The following ARID1B variants were observed in gnomAD, a reference collection of about 807,000 sequenced individuals.
ARID1B encodes AT-rich interactive domain-containing protein 1B.
ARID1B carries 30 observed loss-of-function variants against 212.3 expected under a neutral mutation model. The observed-to-expected ratio is 0.14, with a 90% confidence interval of 0.11 to 0.19. The LOEUF is 0.19. Ranked by LOEUF, ARID1B falls within the 10% of genes least tolerant of loss-of-function variation. ARID1B has a pLI of 1.00. For synonymous variants in ARID1B, 1,402 were observed against 1,301.7 expected (o/e 1.08, Z -1.66); for missense variants, 2,891 against 3,204.0 (o/e 0.90, Z 2.36).
chr6:156,788,920 T>C (rs1051975131), intron 1 of ARID1B, among the ~76,000 whole-genome samples: 2 of 152,228 alleles, frequency 1.3e-5, no homozygotes, highest in Non-Finnish European at 2.9e-5. Context: ...TGACATATGA[T>C]CCTTAATTTT....
chr6:157,000,693 A>ATTATTTT (rs1778857846), intron 4 of ARID1B, among the ~76,000 whole-genome samples: 1 of 77,500 alleles, frequency 1.3e-5, no homozygotes, highest in African/African-American at 4.8e-5. Context: ...ATTTCTAATT[A>ATTATTTT]TTCTTTTTTT....
intron 5 of ARID1B, among the ~76,000 whole-genome samples, chr6:157,088,806 T>C (rs1346457139): frequency 6.6e-6 from 1 of 152,242 alleles, no homozygotes; most frequent in Non-Finnish European, 1.5e-5. Context: ...CAAGTTCATA[T>C]GCAGTCCACC....
Position 157,210,644 on chromosome 6 carries a change from G to GC in ARID1B, c.*2753_*2754insC, listed in dbSNP as rs1794708933. 5.4e-6 allele frequency: 1 copy of GC among 185,510 alleles called. No individual in the cohort carries two copies. Among genetic ancestry groups the GC allele is most frequent in the Non-Finnish European group, 1.1e-5 (1 of 92,476 alleles). The allele number at this position is 185,510 out of a possible 1,614,324, so 11.5% of individuals were successfully genotyped here. ...ATTGCTTTGTCCTAAAAATTAGTCG[G>GC]TTTTTTTTTTTCTATGAGGCTTTTC... On this transcript the variant is annotated 3_prime_UTR_variant, in exon 20 of 20. Coordinates refer to ENST00000636930, the MANE Select transcript of ARID1B (RefSeq NM_001374828.1).
At position 156,777,757 on chromosome 6, in the gene ARID1B, GGGCGCCCCCCGGGCCGCGGCC is replaced by G. The variant is rs1778725235; in HGVS notation, c.85_105del (p.Pro29_Pro35del). On this transcript the variant is annotated inframe_deletion, in exon 1 of 20. Transcript: ENST00000636930. ...GCGCGGGCAGGCAGCGGCGAACGGCGGGCGCCCCCCGGGCCGCGGCCGGCGCCCGGAGCCCGGGACCTGGAG... is the reference window on the plus strand; with the variant it reads ...GCGCGGGCAGGCAGCGGCGAACGGCGGGCGCCCGGAGCCCGGGACCTGGAG... 2 of 550,744 alleles carry G rather than the reference GGGCGCCCCCCGGGCCGCGGCC, an allele frequency of 3.6e-6. No individual in the cohort carries two copies. The highest frequency in any genetic ancestry group is 4.6e-6 in the Non-Finnish European group (2 of 438,372). The allele number at this position is 550,744 out of a possible 1,614,324, so 34.1% of individuals were successfully genotyped here.
At chr6:157,166,200 C>A (rs1361091821) in intron 8 of ARID1B, 1 of 152,234 alleles carries the variant, frequency 6.6e-6, no homozygotes, top group Non-Finnish European at 1.5e-5. Flanking sequence ...TCCCCCATCT[C>A]GTTACTAACA....
chr6:156,945,758 G>A (rs1793074778), intron 4 of ARID1B, among the ~76,000 whole-genome samples: 1 of 152,218 alleles, frequency 6.6e-6, no homozygotes, highest in African/African-American at 2.4e-5. Context: ...TGGTGGCCCA[G>A]CACTTTGGAA....
rs72490811 is a variant in ARID1B at position 156,896,576 on chromosome 6, C to CAAAAAAAAAAAAAA, written c.1987-4789_1987-4776dup. Among the ~76,000 whole-genome samples, 16 of 45,912 alleles carry CAAAAAAAAAAAAAA rather than the reference C, an allele frequency of 3.5e-4. 1 individual carries two copies. The highest frequency in any genetic ancestry group is 2.2e-3 in the South Asian group (2 of 902). The allele number at this position is 45,912 out of a possible 152,430, so 30.1% of individuals were successfully genotyped here. Reference sequence around the variant, plus strand: ...GGGCAACAAGAGCAAAACTGCGTCTCAAAAAAAAAAAAAAAAAAAAAAAAG... The same window carrying CAAAAAAAAAAAAAA: ...GGGCAACAAGAGCAAAACTGCGTCTCAAAAAAAAAAAAAAAAAAAAAAAAAAAAAAAAAAAAAAG... On this transcript the variant is annotated intron_variant, in intron 2 of 19. Transcript: ENST00000636930.
At chr6:157,084,168 C>A (rs1784818089) in intron 4 of ARID1B, among the ~76,000 whole-genome samples, 1 of 148,114 alleles carries the variant, frequency 6.8e-6, no homozygotes, top group Non-Finnish European at 1.5e-5. Context: ...TTTCTCATCA[C>A]AAAGTTTGGT....
At chr6:157,172,837 G>A (rs904929975) in intron 9 of ARID1B, 1 of 149,430 alleles carries the variant, frequency 6.7e-6, no homozygotes. Context: ...AACGCTACAT[G>A]TGTCCCGCCT....
At chr6:157,130,146 G>A (rs1282285197) in intron 6 of ARID1B, among the ~76,000 whole-genome samples, 1 of 151,750 alleles carries the variant, frequency 6.6e-6, no homozygotes, top group Non-Finnish European at 1.5e-5. Flanking sequence ...TCCAGCCTGG[G>A]TGACAGAGTA....
At position 157,148,898 on chromosome 6, in the gene ARID1B, A is replaced by T; in HGVS notation, c.3036A>T (p.Ala1012=). 6.2e-7 allele frequency: 1 copy of T among 1,612,830 alleles called. No individual in the cohort carries two copies. The highest frequency in any genetic ancestry group is 8.5e-7 in the Non-Finnish European group (1 of 1,179,924). ...GPPMPTVNRK[A]QEAAAAVMQA... is the part of the protein sequence containing the mutation. ...CAATGCCAACTGTGAACCGTAAGGC[A>T]CAGGAGGCAGCCGCAGCAGTGATGC... Residue 1012 remains alanine, a synonymous_variant, in exon 8 of 20, where the codon GCA becomes GCT. Transcript: ENST00000636930. This position sits in a 1 kb window ranked among gnomAD's most constrained non-coding sequence, Gnocchi z 5.6.
intron 16 of ARID1B, among the ~76,000 whole-genome samples, chr6:157,197,792 C>CCT (rs991198107): frequency 3.7e-4 from 57 of 152,254 alleles, no homozygotes; most frequent in African/African-American, 1.3e-3. Flanking sequence ...GAGAGGTTTA[C>CCT]CTCATTGTTA....
chr6:156,879,793 C>T (rs966190132), intron 2 of ARID1B, among the ~76,000 whole-genome samples: 91 of 152,268 alleles, frequency 6.0e-4, no homozygotes, highest in African/African-American at 2.2e-3. Context: ...ATATGTGCAG[C>T]GTGCGCATAT....
At chr6:157,164,900 G>C (rs1215969831) in intron 8 of ARID1B, among the ~76,000 whole-genome samples, 2 of 152,342 alleles carry the variant, frequency 1.3e-5, no homozygotes, top group African/African-American at 4.8e-5. Context: ...GGCAGTCACT[G>C]ACATGGAAGT....
At chr6:156,781,218 T>G (rs962776154) in intron 1 of ARID1B, among the ~76,000 whole-genome samples, 3 of 152,144 alleles carry the variant, frequency 2.0e-5, no homozygotes, top group Admixed American at 6.5e-5. Flanking sequence ...GATATTCCTG[T>G]GAAATACTAA....
At position 156,833,011 on chromosome 6, in the gene ARID1B, A is replaced by G. The variant is rs558837927; in HGVS notation, c.1986+3590A>G. 2.6e-5 allele frequency among the ~76,000 whole-genome samples: 4 copies of G among 152,256 alleles called. No individual in the cohort carries two copies. The East Asian group carries it at 5.8e-4, about 22-fold the overall frequency. ...ACAGATTAGTTTTGCACGGTGCCCT[A>G]AAAACTAGTCTACTTGGGTTTTTGT... On this transcript the variant is annotated intron_variant, in intron 2 of 19. Coordinates refer to ENST00000636930, the MANE Select transcript of ARID1B (RefSeq NM_001374828.1).
chr6:157,086,731 G>C (rs1001830350), intron 5 of ARID1B, among the ~76,000 whole-genome samples: 1 of 152,138 alleles, frequency 6.6e-6, no homozygotes, highest in Non-Finnish European at 1.5e-5. Context: ...AGCTCACTTC[G>C]GGCATGTGAT....
At chr6:156,811,542 T>C (rs996077210) in intron 1 of ARID1B, among the ~76,000 whole-genome samples, 1 of 152,190 alleles carries the variant, frequency 6.6e-6, no homozygotes, top group Admixed American at 6.5e-5. Context: ...TTCTGAGGCC[T>C]CTTCCCTGGG....
At chr6:157,074,593 A>C (rs1784195765) in intron 4 of ARID1B, among the ~76,000 whole-genome samples, 1 of 152,190 alleles carries the variant, frequency 6.6e-6, no homozygotes, top group African/African-American at 2.4e-5. Context: ...TACTTGGATA[A>C]AGAGGAATTA....
Sources: gnomAD v4.1 joint callset for allele counts (sites outside exome capture counted in the v4.1 genomes callset) on GRCh38, gnomAD v4.1.1 for gene constraint, Gnocchi (gnomAD v3.1) non-coding constraint, MANE v1.5 for transcripts, NCBI Gene and HGNC (gene_info 2026-07-23, HGNC 2026-07-21) for gene names.